IMPG1: variants seen among roughly 807,000 people sequenced by gnomAD.
The protein encoded by IMPG1 is interphotoreceptor matrix proteoglycan of 150 kDa.
IMPG1 carries 85 observed loss-of-function variants against 92.0 expected under a neutral mutation model. The ratio of observed to expected loss-of-function variants is 0.92; its 90% CI spans 0.78 to 1.11. IMPG1 has a LOEUF of 1.11. IMPG1 is among the 50% of genes least tolerant of loss of function. IMPG1 has a pLI of 0.00. For missense variants in IMPG1, 1,022 were observed against 956.0 expected (o/e 1.07, Z -0.91); for synonymous variants, 367 against 334.1 (o/e 1.10, Z -1.08).
At chr6:75,923,524 A>G (rs1395136243) in intron 16 of IMPG1, 110 bp downstream of exon 16, 2 of 667,636 alleles carry the variant, frequency 3.0e-6, no homozygotes, top group Admixed American at 5.7e-5. Flanking sequence ...AATTAAAAAT[A>G]AAAAGTATCT....
intron 16 of IMPG1, 88 bp downstream of exon 16, chr6:75,923,544 CTA>C (rs999248657): frequency 2.9e-6 from 2 of 697,486 alleles, no homozygotes; most frequent in Non-Finnish European, 5.1e-6. Context: ...TTGCTTATCT[CTA>C]TTTAAAATAA....
chr6:75,999,216 A>G (rs1782946950), intron 12 of IMPG1, among the ~76,000 whole-genome samples: 1 of 150,960 alleles, frequency 6.6e-6, no homozygotes, highest in African/African-American at 2.5e-5. Context: ...GGGATCAGCT[A>G]CTACAAAAAA....
chr6:75,924,713 A>AATTATATGATATATCAATTATATATT (rs1409806786), intron 15 of IMPG1, among the ~76,000 whole-genome samples: 1 of 9,448 alleles, frequency 1.1e-4, no homozygotes, highest in Non-Finnish European at 1.9e-4. Flanking sequence ...TATAATATAT[A>AATTATATGATATATCAATTATATATT]ATATATAATA....
intron 12 of IMPG1, among the ~76,000 whole-genome samples, chr6:75,991,941 T>C (rs573128660): frequency 6.6e-6 from 1 of 152,326 alleles, no homozygotes; most frequent in East Asian, 1.9e-4. Flanking sequence ...TAATTTGATG[T>C]GTCAACTTGG....
Position 76,010,759 on chromosome 6 carries a change from T to C in IMPG1, c.866+407A>G, listed in dbSNP as rs1436638657. ...TCTTGGGAAGCATGGTTTGTTTAAA[T>C]AGTGATGTTATTTAGCATCCCATAG... On this transcript the variant is annotated intron_variant, in intron 8 of 16. Coordinates refer to ENST00000369950, the MANE Select transcript of IMPG1 (RefSeq NM_001563.4). Among the ~76,000 whole-genome samples, 4 of 152,226 alleles carry C rather than the reference T, an allele frequency of 2.6e-5. No individual in the cohort carries two copies. The East Asian group carries it at 7.7e-4, about 29-fold the overall frequency.
intron 12 of IMPG1, among the ~76,000 whole-genome samples, chr6:75,953,335 G>A (rs1782066030): frequency 1.3e-5 from 2 of 152,122 alleles, no homozygotes; most frequent in Non-Finnish European, 2.9e-5. Context: ...TGTTACACAG[G>A]TATACATGTG....
At chr6:76,064,057 T>C (rs546886274) in intron 1 of IMPG1, among the ~76,000 whole-genome samples, 1 of 152,284 alleles carries the variant, frequency 6.6e-6, no homozygotes, top group Non-Finnish European at 1.5e-5. Flanking sequence ...CTCATCTCCC[T>C]ACCCCACCCA....
At chr6:76,035,116 C>T (rs377323945) in intron 2 of IMPG1, among the ~76,000 whole-genome samples, 1 of 151,960 alleles carries the variant, frequency 6.6e-6, no homozygotes, top group African/African-American at 2.4e-5. Context: ...AGTAAAGTCT[C>T]CCAGTTTGTG....
chr6:76,011,005 A>C (rs1783174189), intron 8 of IMPG1, among the ~76,000 whole-genome samples, 161 bp downstream of exon 8: 1 of 152,228 alleles, frequency 6.6e-6, no homozygotes, highest in South Asian at 2.1e-4. Flanking sequence ...GTCATGTTCT[A>C]ATTAGACAGT....
At chr6:76,056,438 G>A (rs894882203) in intron 1 of IMPG1, among the ~76,000 whole-genome samples, 3 of 152,094 alleles carry the variant, frequency 2.0e-5, no homozygotes, top group South Asian at 2.1e-4. Context: ...GAAAATAGTC[G>A]ATGGATATTT....
intron 12 of IMPG1, among the ~76,000 whole-genome samples, chr6:75,964,718 AAT>A (rs1782275784): frequency 6.6e-6 from 1 of 151,830 alleles, no homozygotes. Context: ...ATGAAAAAAT[AAT>A]ATAGAGAGAA....
chr6:75,993,293 C>G (rs112487148), intron 12 of IMPG1, among the ~76,000 whole-genome samples: 1 of 152,050 alleles, frequency 6.6e-6, no homozygotes, highest in Non-Finnish European at 1.5e-5. Flanking sequence ...TGACAGCTGT[C>G]GTAACAGAAT....
intron 1 of IMPG1, among the ~76,000 whole-genome samples, chr6:76,064,476 G>A (rs2127598313): frequency 6.6e-6 from 1 of 151,998 alleles, no homozygotes; most frequent in African/African-American, 2.4e-5. Context: ...AATATGACAG[G>A]GAAGAAGACT....
intron 8 of IMPG1, among the ~76,000 whole-genome samples, chr6:76,008,476 C>T (rs1783131846): frequency 6.6e-6 from 1 of 152,136 alleles, no homozygotes. Context: ...AACTTTCATC[C>T]CCAGATATCA....
At chr6:76,059,751 AC>A (rs1262361591) in intron 1 of IMPG1, among the ~76,000 whole-genome samples, 4 of 152,188 alleles carry the variant, frequency 2.6e-5, no homozygotes, top group Non-Finnish European at 5.9e-5. Context: ...TAGGTTTCCA[AC>A]CATAAATGAA....
At chr6:76,038,791 C>T (rs1783786435) in intron 2 of IMPG1, among the ~76,000 whole-genome samples, 2 of 152,314 alleles carry the variant, frequency 1.3e-5, no homozygotes, top group South Asian at 4.1e-4. Flanking sequence ...ACATCAGCTT[C>T]TCTGTCAAAG....
chr6:75,972,515 G>C (rs1461498817), intron 12 of IMPG1, among the ~76,000 whole-genome samples: 1 of 151,730 alleles, frequency 6.6e-6, no homozygotes, highest in Non-Finnish European at 1.5e-5. Context: ...AAGACCTGCT[G>C]TCCACTCTTT....
intron 1 of IMPG1, among the ~76,000 whole-genome samples, chr6:76,067,911 A>C (rs1429344831): frequency 6.6e-6 from 1 of 152,218 alleles, no homozygotes; most frequent in African/African-American, 2.4e-5. Flanking sequence ...GTGATTCACA[A>C]CATAAACAGG....
At chr6:76,015,638 T>C (rs1457259745) in intron 7 of IMPG1, among the ~76,000 whole-genome samples, 2 of 151,674 alleles carry the variant, frequency 1.3e-5, no homozygotes, top group Admixed American at 1.3e-4. Flanking sequence ...CTGTCTCTAC[T>C]AAAAATACAA....
Sources: gnomAD v4.1 joint callset for allele counts (sites outside exome capture counted in the v4.1 genomes callset) on GRCh38, gnomAD v4.1.1 for gene constraint, MANE v1.5 for transcripts, NCBI Gene and HGNC (gene_info 2026-07-23, HGNC 2026-07-21) for gene names.